Variants in DCX observed in about 807,000 individuals in gnomAD.
DCX encodes the protein neuronal migration protein doublecortin.
Under a neutral mutation model 20.9 loss-of-function variants are expected in DCX, and 4 were observed. That is an observed-to-expected ratio of 0.19 (90% CI 0.09 to 0.44). DCX has a LOEUF of 0.44. DCX is among the 20% of genes least tolerant of loss of function. The pLI, the probability that DCX is intolerant of heterozygous loss-of-function variation, is 0.99. For missense variants in DCX, 133 were observed against 296.9 expected (o/e 0.45, Z 4.06); for synonymous variants, 103 against 111.4 (o/e 0.92, Z 0.47).
At chrX:111,382,079 A>T (rs868855945) in intron 3 of DCX, among the ~76,000 whole-genome samples, 4 of 111,907 alleles carry the variant, frequency 3.6e-5, no homozygotes, top group Admixed American at 9.5e-5. Flanking sequence ...TTTTGAATTC[A>T]GTAGATCTAG....
At chrX:111,379,205 TTTA>T (rs764711869) in intron 3 of DCX, among the ~76,000 whole-genome samples, 30 of 112,348 alleles carry the variant, frequency 2.7e-4, no homozygotes, top group African/African-American at 9.0e-4. Flanking sequence ...AAGTAACAGC[TTTA>T]TTGAGACATA....
intron 3 of DCX, among the ~76,000 whole-genome samples, chrX:111,335,348 C>T (rs1212544634): frequency 1.8e-5 from 2 of 111,876 alleles, no homozygotes; most frequent in East Asian, 5.6e-4. Flanking sequence ...TCCTGTGGTT[C>T]CTTGTAGAGA....
intron 5 of DCX, among the ~76,000 whole-genome samples, chrX:111,316,099 A>AT (rs993633982): frequency 1.1e-4 from 11 of 102,205 alleles, no homozygotes; most frequent in Admixed American, 1.0e-4. Context: ...AAAAAAAAAA[A>AT]AAAAAAAAAA....
intron 3 of DCX, among the ~76,000 whole-genome samples, chrX:111,338,489 T>A (rs1921928484): frequency 9.0e-6 from 1 of 111,663 alleles, no homozygotes; most frequent in Non-Finnish European, 1.9e-5. Flanking sequence ...TTTTGGAACA[T>A]TTCCCACCTA....
At chrX:111,316,089 A>AT (rs1175732532) in intron 5 of DCX, among the ~76,000 whole-genome samples, 6,137 of 89,437 alleles carry the variant, frequency 0.069, 816 homozygotes, top group African/African-American at 0.29. Flanking sequence ...TAAAAAATAA[A>AT]AAAAAAAAAA....
In DCX at chrX:111,298,219, T is replaced by G. The variant is rs2095025855; in HGVS notation, c.*3468A>C. On this transcript the variant is annotated 3_prime_UTR_variant, in exon 7 of 7. Coordinates refer to ENST00000636035, the MANE Select transcript of DCX (RefSeq NM_001195553.2). The stretch of plus-strand genomic sequence containing the variant: ...GAAAATCAATCTTCCTCCATTCCAT[T>G]TGGGCAAGGCAAGCATTCAGTGGGG... 9.0e-6 allele frequency: 1 copy of G among 111,347 alleles called. No individual in the cohort carries two copies. Among genetic ancestry groups the G allele is most frequent in the Non-Finnish European group, 1.9e-5 (1 of 52,986 alleles). The allele number at this position is 111,347 out of a possible 1,213,427, so 9.2% of individuals were successfully genotyped here. A position where few individuals can be genotyped will look rare whatever the true frequency, so the allele number is the denominator to read the frequency against.
rs994387588 is a variant in DCX at position 111,337,605 on chromosome X, C to A, written c.706-4452G>T. 6.2e-5 allele frequency among the ~76,000 whole-genome samples: 7 copies of A among 112,102 alleles called. No individual in the cohort carries two copies. The South Asian group carries it at 1.1e-3, about 18-fold the overall frequency. On this transcript the variant is annotated intron_variant, in intron 3 of 6. Coordinates refer to ENST00000636035, the MANE Select transcript of DCX (RefSeq NM_001195553.2). ...TAAGCTTGATTAGATTCTCCATCCA[C>A]ATATTATAGATGCTGGCAGTTCGTT...
At chrX:111,407,787 G>A (rs1240781244) in intron 2 of DCX, among the ~76,000 whole-genome samples, 1 of 93,627 alleles carries the variant, frequency 1.1e-5, no homozygotes, top group Non-Finnish European at 2.1e-5. Flanking sequence ...CCAGCCCCTC[G>A]TGATACATCA....
chrX:111,398,286 T>C (rs1043115252), intron 3 of DCX, among the ~76,000 whole-genome samples: 2 of 109,169 alleles, frequency 1.8e-5, no homozygotes, highest in Admixed American at 2.0e-4. Context: ...TTATGTCAGT[T>C]CATTCAATCA....
chrX:111,400,843 C>T, intron 3 of DCX, 147 bp downstream of exon 3: 3 of 549,640 alleles, frequency 5.5e-6, no homozygotes, highest in Admixed American at 3.2e-5. Flanking sequence ...GCTAAAAATA[C>T]CTTTTCTCCA....
intron 6 of DCX, among the ~76,000 whole-genome samples, chrX:111,312,436 A>G (rs191719155): frequency 4.5e-5 from 5 of 112,226 alleles, no homozygotes; most frequent in Admixed American, 3.8e-4. Context: ...TGTAGCAGGA[A>G]ATAAGTCAGG....
intron 3 of DCX, among the ~76,000 whole-genome samples, chrX:111,390,804 GC>G (rs1418468568): frequency 9.1e-6 from 1 of 110,203 alleles, no homozygotes; most frequent in Non-Finnish European, 1.9e-5. Context: ...TTTGAGACCA[GC>G]CTGGCCGACA....
At chrX:111,354,360 C>A in intron 3 of DCX, among the ~76,000 whole-genome samples, 1 of 111,552 alleles carries the variant, frequency 9.0e-6, no homozygotes, top group Non-Finnish European at 1.9e-5. Flanking sequence ...GTTCATCTTC[C>A]CATTATGCGA....
intron 2 of DCX, among the ~76,000 whole-genome samples, chrX:111,404,999 T>A (rs1406527050): frequency 8.9e-6 from 1 of 112,115 alleles, no homozygotes; most frequent in Admixed American, 9.5e-5. Flanking sequence ...GAAAGCTGGC[T>A]TCACAGCCAA....
intron 3 of DCX, 54 bp downstream of exon 3, chrX:111,400,936 T>C: frequency 9.3e-7 from 1 of 1,076,068 alleles, no homozygotes; most frequent in African/African-American, 1.8e-5. Flanking sequence ...AGGTATAACA[T>C]GATCATCTAA....
intron 2 of DCX, 95 bp from the exon 3 acceptor site, chrX:111,401,425 T>C: frequency 1.2e-6 from 1 of 821,621 alleles, no homozygotes; most frequent in South Asian, 2.3e-5. Flanking sequence ...GGAGTAGAAC[T>C]TTTCAATAAA....
intron 5 of DCX, among the ~76,000 whole-genome samples, chrX:111,324,692 T>C (rs776846580): frequency 8.9e-6 from 1 of 112,372 alleles, no homozygotes; most frequent in South Asian, 3.7e-4. Flanking sequence ...ATAGGAGCTA[T>C]ATAAGTATTT....
intron 3 of DCX, among the ~76,000 whole-genome samples, chrX:111,389,387 C>T (rs1926764535): frequency 9.0e-6 from 1 of 111,219 alleles, no homozygotes; most frequent in Non-Finnish European, 1.9e-5. Context: ...TTCTCACATG[C>T]ACCCTTGGTA....
At chrX:111,311,778 G>C (rs2095058254) in intron 6 of DCX, among the ~76,000 whole-genome samples, 1 of 112,616 alleles carries the variant, frequency 8.9e-6, no homozygotes, top group East Asian at 2.8e-4. Flanking sequence ...GTGTCTTCCA[G>C]CTCTGACCAT....
Sources: gnomAD v4.1 joint callset for allele counts (sites outside exome capture counted in the v4.1 genomes callset) on GRCh38, gnomAD v4.1.1 for gene constraint, MANE v1.5 for transcripts, NCBI Gene and HGNC (gene_info 2026-07-23, HGNC 2026-07-21) for gene names.